Variants in AGBL4 observed in about 807,000 individuals in gnomAD.
The protein encoded by AGBL4 is cytosolic carboxypeptidase 6.
A neutral mutation model predicts 66.4 loss-of-function variants in AGBL4; 58 were observed. The ratio of observed to expected loss-of-function variants is 0.87; its 90% CI spans 0.71 to 1.09. AGBL4 has a LOEUF of 1.09. Ranked by LOEUF, AGBL4 falls within the 50% of genes least tolerant of loss-of-function variation. The pLI, the probability that AGBL4 is intolerant of heterozygous loss-of-function variation, is 0.00. For synonymous variants in AGBL4, 234 were observed against 222.9 expected, an observed-to-expected ratio of 1.05 and a Z score of -0.44; for missense variants, 579 against 631.0, an observed-to-expected ratio of 0.92 and a Z score of 0.88.
Position 49,092,949 on chromosome 1 carries a change from T to G in AGBL4, c.378-47149A>C, listed in dbSNP as rs573226746. 1.5e-4 allele frequency among the ~76,000 whole-genome samples: 23 copies of G among 152,248 alleles called. No individual in the cohort carries two copies. The South Asian group carries it at 4.8e-3, about 32-fold the overall frequency. Reference sequence around the variant, plus strand: ...TGTGAAGATGACCTTTAGGTTTTGGTTCTATTCAGTTGCATTTTCCTTCTT... The same window carrying G: ...TGTGAAGATGACCTTTAGGTTTTGGGTCTATTCAGTTGCATTTTCCTTCTT... On this transcript the variant is annotated intron_variant, in intron 4 of 13. Coordinates refer to ENST00000371839, the MANE Select transcript of AGBL4 (RefSeq NM_032785.4).
At chr1:49,647,953 G>A (rs1171536253) in intron 3 of AGBL4, among the ~76,000 whole-genome samples, 1 of 151,958 alleles carries the variant, frequency 6.6e-6, no homozygotes, top group South Asian at 2.1e-4. Context: ...CTATTTATAG[G>A]ATTTCCTTCT....
chr1:48,951,165 T>C (rs1656952788), intron 5 of AGBL4, among the ~76,000 whole-genome samples: 1 of 152,156 alleles, frequency 6.6e-6, no homozygotes, highest in South Asian at 2.1e-4. Flanking sequence ...CTTACCCCAG[T>C]GCTTTAGAGA....
At chr1:49,537,422 A>G (rs1033488008) in intron 3 of AGBL4, among the ~76,000 whole-genome samples, 5 of 152,358 alleles carry the variant, frequency 3.3e-5, no homozygotes, top group African/African-American at 1.2e-4. Flanking sequence ...AGACTTTACA[A>G]GGAACTCAAA....
chr1:48,722,714 T>C (rs1291833381), intron 6 of AGBL4, among the ~76,000 whole-genome samples: 1 of 152,184 alleles, frequency 6.6e-6, no homozygotes, highest in Non-Finnish European at 1.5e-5. Flanking sequence ...CTGAGCCTTA[T>C]TGGCTCAATA....
At chr1:48,657,628 T>C (rs1181392789) in intron 7 of AGBL4, among the ~76,000 whole-genome samples, 1 of 152,012 alleles carries the variant, frequency 6.6e-6, no homozygotes, top group Non-Finnish European at 1.5e-5. Context: ...GCGGCCAAGG[T>C]TCAGAGAGTC....
At chr1:49,992,684 G>A (rs761752327) in intron 1 of AGBL4, among the ~76,000 whole-genome samples, 1 of 152,054 alleles carries the variant, frequency 6.6e-6, no homozygotes, top group African/African-American at 2.4e-5. Flanking sequence ...GTCTCTGAGA[G>A]TGACCCTGAC....
intron 4 of AGBL4, among the ~76,000 whole-genome samples, chr1:49,241,612 T>C (rs1651243348): frequency 6.6e-6 from 1 of 152,184 alleles, no homozygotes; most frequent in African/African-American, 2.4e-5. Flanking sequence ...CTATGAAACA[T>C]ATCTCTCTTG....
At chr1:49,125,097 C>G (rs957424657) in intron 4 of AGBL4, among the ~76,000 whole-genome samples, 1 of 151,670 alleles carries the variant, frequency 6.6e-6, no homozygotes, top group Non-Finnish European at 1.5e-5. Context: ...TCAAAGTGCA[C>G]CACAAGAAGA....
intron 3 of AGBL4, among the ~76,000 whole-genome samples, chr1:49,656,426 TACAAGGAGGA>T (rs1386737090): frequency 2.4e-4 from 37 of 152,074 alleles, no homozygotes; most frequent in Non-Finnish European, 4.9e-4. Flanking sequence ...CTACCACAGG[TACAAGGAGGA>T]GCTGGTACCA....
intron 2 of AGBL4, among the ~76,000 whole-genome samples, chr1:49,771,494 T>C (rs1454790149): frequency 2.0e-5 from 3 of 152,164 alleles, no homozygotes; most frequent in Non-Finnish European, 4.4e-5. Flanking sequence ...GTTCTGTAAA[T>C]GTCTATTAGG....
chr1:49,022,914 A>G (rs1352067770), intron 5 of AGBL4, among the ~76,000 whole-genome samples: 1 of 152,214 alleles, frequency 6.6e-6, no homozygotes, highest in Admixed American at 6.5e-5. Context: ...ATTACAAATG[A>G]GGCAACTGGG....
At chr1:49,122,038 T>G (rs1174413347) in intron 4 of AGBL4, among the ~76,000 whole-genome samples, 3 of 152,256 alleles carry the variant, frequency 2.0e-5, no homozygotes, top group Admixed American at 2.0e-4. Flanking sequence ...AGAATCTCCT[T>G]GTCTGCCAGT....
At chr1:48,816,330 G>A (rs1378579973) in intron 6 of AGBL4, among the ~76,000 whole-genome samples, 1 of 152,086 alleles carries the variant, frequency 6.6e-6, no homozygotes, top group African/African-American at 2.4e-5. Flanking sequence ...GAAGTCCCTT[G>A]ATCATATCTG....
chr1:49,682,278 C>T (rs879690856), intron 3 of AGBL4, among the ~76,000 whole-genome samples: 74 of 151,940 alleles, frequency 4.9e-4, no homozygotes, highest in African/African-American at 1.6e-3. Context: ...TGGTGGCACA[C>T]GCTTGTAGTC....
At chr1:49,102,185 A>G (rs1021954130) in intron 4 of AGBL4, among the ~76,000 whole-genome samples, 1 of 152,136 alleles carries the variant, frequency 6.6e-6, no homozygotes, top group Non-Finnish European at 1.5e-5. Context: ...AGCTAAGATC[A>G]AAGAGAATCC....
chr1:48,685,097 G>C (rs1646511511), intron 6 of AGBL4, among the ~76,000 whole-genome samples: 1 of 152,204 alleles, frequency 6.6e-6, no homozygotes, highest in East Asian at 1.9e-4. Context: ...GTCTGGAGGG[G>C]CCAGCCCTCC....
At chr1:49,824,940 T>G (rs4244636) in intron 2 of AGBL4, among the ~76,000 whole-genome samples, 79,875 of 151,920 alleles carry the variant, frequency 0.53, 22,311 homozygotes, top group Non-Finnish European at 0.62. Flanking sequence ...CTATTGCTAT[T>G]TTTTGGTTTG....
At chr1:49,000,469 T>A (rs1661318723) in intron 5 of AGBL4, among the ~76,000 whole-genome samples, 1 of 152,256 alleles carries the variant, frequency 6.6e-6, no homozygotes, top group Non-Finnish European at 1.5e-5. Flanking sequence ...GCATACCTTG[T>A]AAATTCAGTA....
In AGBL4 at chr1:48,996,696, T is replaced by C. The variant is rs1242161965; in HGVS notation, c.594+48888A>G. Among the ~76,000 whole-genome samples, 2 of 151,974 alleles carry C rather than the reference T, an allele frequency of 1.3e-5. 1 individual carries two copies. Among genetic ancestry groups the C allele is most frequent in the African/African-American group, 4.8e-5 (2 of 41,434 alleles). On this transcript the variant is annotated intron_variant, in intron 5 of 13. Transcript: ENST00000371839. ...GTTAAGAGTGGAAAGAGAAGAGTGA[T>C]GCATGGTGAGAATGTGGAAAGGATG...
Sources: gnomAD v4.1 joint callset for allele counts (sites outside exome capture counted in the v4.1 genomes callset) on GRCh38, gnomAD v4.1.1 for gene constraint, MANE v1.5 for transcripts, NCBI Gene and HGNC (gene_info 2026-07-23, HGNC 2026-07-21) for gene names.